Variants in SPATA13 observed in about 807,000 individuals in gnomAD.
SPATA13 encodes the protein spermatogenesis associated 13.
SPATA13 carries 50 observed loss-of-function variants against 104.0 expected under a neutral mutation model. The ratio of observed to expected loss-of-function variants is 0.48; its 90% CI spans 0.38 to 0.61. SPATA13 has a LOEUF of 0.61. Ranked by LOEUF, SPATA13 falls within the 20% of genes least tolerant of loss-of-function variation. The pLI, the probability that SPATA13 is intolerant of heterozygous loss-of-function variation, is 0.00. For synonymous variants in SPATA13, 606 were observed against 667.5 expected, an observed-to-expected ratio of 0.91 and a Z score of 1.42; for missense variants, 1,524 against 1,690.6, an observed-to-expected ratio of 0.90 and a Z score of 1.73.
chr13:24,079,845 A>C (rs2137776270), intron 3 of SPATA13, among the ~76,000 whole-genome samples: 1 of 152,224 alleles, frequency 6.6e-6, no homozygotes, highest in East Asian at 1.9e-4. Flanking sequence ...TTTGGGCCTT[A>C]CTTGACTCTC....
At chr13:24,289,671 C>A (rs1876197029) in intron 8 of SPATA13, among the ~76,000 whole-genome samples, 1 of 152,114 alleles carries the variant, frequency 6.6e-6, no homozygotes, top group East Asian at 1.9e-4. Flanking sequence ...GAAGGCAGAC[C>A]CGGGCATGCG....
intron 3 of SPATA13, among the ~76,000 whole-genome samples, chr13:24,072,336 C>T (rs1004096444): frequency 2.6e-5 from 4 of 152,182 alleles, no homozygotes; most frequent in Non-Finnish European, 5.9e-5. Context: ...CCTGGATAAA[C>T]TCAATGGACT....
chr13:24,234,307 G>A (rs1872451911), intron 2 of SPATA13, among the ~76,000 whole-genome samples: 1 of 151,976 alleles, frequency 6.6e-6, no homozygotes, highest in Non-Finnish European at 1.5e-5. Context: ...TGGATAGGAG[G>A]GCATAATTAG....
intron 2 of SPATA13, among the ~76,000 whole-genome samples, chr13:24,010,372 T>A (rs954011737): frequency 2.0e-5 from 3 of 152,044 alleles, no homozygotes; most frequent in Non-Finnish European, 4.4e-5. Context: ...TCACTTTACA[T>A]CACCAAAGTG....
intron 3 of SPATA13, among the ~76,000 whole-genome samples, chr13:24,052,923 G>GGGAT (rs1878411470): frequency 8.1e-6 from 1 of 123,040 alleles, no homozygotes; most frequent in African/African-American, 3.0e-5. Flanking sequence ...GCTTCCTGCA[G>GGGAT]GGATATTTTG....
intron 2 of SPATA13, among the ~76,000 whole-genome samples, chr13:24,234,080 G>T (rs1454047061): frequency 6.6e-6 from 1 of 152,028 alleles, no homozygotes; most frequent in African/African-American, 2.4e-5. Context: ...GGAGGTAGAT[G>T]GAATCATACC....
chr13:24,033,821 A>G (rs916657213), intron 3 of SPATA13: 1 of 152,198 alleles, frequency 6.6e-6, no homozygotes, highest in Non-Finnish European at 1.5e-5. Flanking sequence ...GTGCCAGGGG[A>G]AACGTGGGAA....
intron 3 of SPATA13, among the ~76,000 whole-genome samples, chr13:24,102,582 C>T (rs1057400564): frequency 6.6e-6 from 1 of 150,522 alleles, no homozygotes; most frequent in African/African-American, 2.5e-5. Context: ...TTAGGTGATT[C>T]TCCTTCCTCA....
chr13:24,081,527 G>A (rs1879516023), intron 3 of SPATA13, among the ~76,000 whole-genome samples: 1 of 151,818 alleles, frequency 6.6e-6, no homozygotes, highest in Non-Finnish European at 1.5e-5. Context: ...AAAAAAAGCT[G>A]GCCCAGTGTG....
At chr13:24,048,696 TA>T (rs1345325584) in intron 3 of SPATA13, among the ~76,000 whole-genome samples, 3 of 151,858 alleles carry the variant, frequency 2.0e-5, no homozygotes, top group African/African-American at 4.8e-5. Flanking sequence ...AAAAGATAAA[TA>T]AATTGTATAA....
chr13:24,095,931 C>A (rs1880063747), intron 3 of SPATA13, among the ~76,000 whole-genome samples: 1 of 152,216 alleles, frequency 6.6e-6, no homozygotes, highest in East Asian at 1.9e-4. Context: ...CAGACGAGAA[C>A]CTAGATGTTG....
At chr13:24,199,337 A>C (rs1458655875) in intron 1 of SPATA13, among the ~76,000 whole-genome samples, 1 of 152,236 alleles carries the variant, frequency 6.6e-6, no homozygotes, top group Non-Finnish European at 1.5e-5. Flanking sequence ...TGTTCTCTGT[A>C]AACAGCTTTG....
At position 24,297,531 on chromosome 13, in the gene SPATA13, C is replaced by T. The variant is rs905029458; in HGVS notation, c.3379C>T (p.Leu1127=). 3 of 1,614,216 alleles carry T rather than the reference C, an allele frequency of 1.9e-6. No individual in the cohort carries two copies. The highest frequency in any genetic ancestry group is 1.3e-5 in the African/African-American group (1 of 75,066). Reference sequence around the variant, plus strand: ...GGACATGCTGTACTACAAGGGCCGGCTGGACATGGATGAGATGGAGCTTGT... The same window carrying T: ...GGACATGCTGTACTACAAGGGCCGGTTGGACATGGATGAGATGGAGCTTGT... The part of the protein sequence containing the change: ...RRDMLYYKGR[L]DMDEMELVDL... Residue 1127 remains leucine, a synonymous_variant, in exon 11 of 13, where the codon CTG becomes TTG. Transcript: ENST00000382108.
At chr13:24,045,410 A>G (rs1317684953) in intron 3 of SPATA13, among the ~76,000 whole-genome samples, 3 of 152,196 alleles carry the variant, frequency 2.0e-5, no homozygotes, top group African/African-American at 7.2e-5. Flanking sequence ...GGCATTTTGC[A>G]TAAACATTTT....
At chr13:24,270,094 T>G (rs1874498174) in intron 4 of SPATA13, among the ~76,000 whole-genome samples, 1 of 152,038 alleles carries the variant, frequency 6.6e-6, no homozygotes, top group African/African-American at 2.4e-5. Context: ...GTTCATAAAG[T>G]TAAAAAGGCC....
rs1043849693 is a variant in SPATA13 at position 24,035,283 on chromosome 13, T to C, written c.-112+17582T>C. Among the ~76,000 whole-genome samples the C allele has an allele frequency of 2.0e-5, 3 of 152,256 alleles. No homozygotes were observed. The East Asian group carries it at 5.8e-4, about 29-fold the overall frequency. On this transcript the variant is annotated intron_variant, in intron 3 of 14. Transcript: ENST00000424834. ...AATTCTCGTGCCTCAGCCTCCCGAG[T>C]AGCTGGGATTACAGGTGTGCACCAA...
intron 3 of SPATA13, chr13:24,122,881 C>G: frequency 1.3e-6 from 1 of 773,730 alleles, no homozygotes; most frequent in Non-Finnish European, 2.4e-6. Flanking sequence ...ACAGTAGGAA[C>G]GACCTGTAAG....
intron 3 of SPATA13, among the ~76,000 whole-genome samples, chr13:24,067,510 A>C (rs914501991): frequency 6.6e-6 from 1 of 152,252 alleles, no homozygotes; most frequent in African/African-American, 2.4e-5. Flanking sequence ...AAGTAGATTC[A>C]AGAAAGTTAT....
intron 4 of SPATA13, among the ~76,000 whole-genome samples, chr13:24,264,334 T>C (rs145018692): frequency 2.0e-4 from 30 of 152,266 alleles, no homozygotes; most frequent in African/African-American, 7.2e-4. Context: ...CAGCTAAATG[T>C]CTAGCGAACC....
Sources: allele counts gnomAD v4.1 joint callset (sites outside exome capture counted in the v4.1 genomes callset), GRCh38; gene constraint gnomAD v4.1.1; transcripts MANE v1.5; gene names NCBI Gene and HGNC (gene_info 2026-07-23, HGNC 2026-07-21).